MAP6D1: variants seen among roughly 807,000 people sequenced by gnomAD.
MAP6D1 encodes MAP6 domain containing 1.
Under a neutral mutation model 17.4 loss-of-function variants are expected in MAP6D1, and 13 were observed. That is an observed-to-expected ratio of 0.75 (90% CI 0.49 to 1.19). MAP6D1 has a LOEUF of 1.19. Ranked by LOEUF, MAP6D1 falls within the 50% of genes most tolerant of loss-of-function variation. The probability of loss-of-function intolerance (pLI) is 0.00; values close to 1 mark genes in which losing one functional copy is unlikely to be tolerated. For missense variants in MAP6D1, 313 were observed against 312.6 expected (o/e 1.00, Z -0.01); for synonymous variants, 141 against 145.7 (o/e 0.97, Z 0.23).
Position 183,818,034 on chromosome 3 carries a change from T to G in MAP6D1, c.479A>C (p.His160Pro), listed in dbSNP as rs766568506. 2 of 1,614,042 alleles carry G rather than the reference T, an allele frequency of 1.2e-6. No homozygotes were observed. The highest frequency in any genetic ancestry group is 1.7e-6 in the Non-Finnish European group (2 of 1,179,976). Residue 160 changes from histidine (H) to proline (P), a missense_variant, in exon 2 of 3, where the codon CAC becomes CCC. Coordinates refer to ENST00000318631, the MANE Select transcript of MAP6D1 (RefSeq NM_024871.4). Reference protein sequence around the residue: ...KTKPARVITTHTSGWDSSPGA... With the variant: ...KTKPARVITTPTSGWDSSPGA... ...AGGGCTGCTGTCCCATCCCGAAGTG[T>G]GGGTTGTGATGACTCGGGCTGGTTT... is the stretch of plus-strand genomic sequence containing the variant.
At chr3:183,821,524 A>G (rs1727255931) in intron 1 of MAP6D1, among the ~76,000 whole-genome samples, 1 of 148,260 alleles carries the variant, frequency 6.7e-6, no homozygotes. Flanking sequence ...CACATGTTCC[A>G]CACAGATGAG....
Position 183,817,004 on chromosome 3 carries a change from G to A in MAP6D1, c.*352C>T, listed in dbSNP as rs558973166. On this transcript the variant is annotated 3_prime_UTR_variant, in exon 3 of 3. Transcript: ENST00000318631. ...AAGTGGACATAACTGGTTCTTTCAA[G>A]GGCCGGATGTGTCCACATTCCTCAG... 3.6e-4 allele frequency: 95 copies of A among 266,526 alleles called. 2 individuals carry two copies. In the South Asian group the frequency reaches 3.6e-3, roughly 10 times the overall value. 16.5% of individuals were successfully genotyped at this position (266,526 alleles called of 1,614,324 possible). A position where few individuals can be genotyped will look rare whatever the true frequency, so the allele number is the denominator to read the frequency against.
chr3:183,819,358 G>A (rs955905468), intron 1 of MAP6D1, among the ~76,000 whole-genome samples: 2 of 152,236 alleles, frequency 1.3e-5, no homozygotes, highest in African/African-American at 4.8e-5. Flanking sequence ...GCGGAAGCAG[G>A]TCCTCCCCTG....
chr3:183,821,454 C>T lies in MAP6D1; in HGVS notation c.402-3343G>A, dbSNP rs144607600. On this transcript the variant is annotated intron_variant, in intron 1 of 2. Transcript: ENST00000318631. ...CTGGTGTGCGTTAAAGCAGAGAAGG[C>T]GACAGCTAGTACCTTCACCGTCACC... Among the ~76,000 whole-genome samples, 294 of 151,406 alleles carry T rather than the reference C, an allele frequency of 1.9e-3. 2 individuals carry two copies. Among genetic ancestry groups the T allele is most frequent in the Admixed American group, 3.8e-3 (58 of 15,238 alleles).
At chr3:183,821,941 G>A (rs561627821) in intron 1 of MAP6D1, among the ~76,000 whole-genome samples, 23 of 152,102 alleles carry the variant, frequency 1.5e-4, no homozygotes, top group Non-Finnish European at 3.1e-4. Context: ...GATTACAGGT[G>A]TGAGCCACTG....
At chr3:183,822,699 A>C (rs757093116) in intron 1 of MAP6D1, among the ~76,000 whole-genome samples, 9 of 152,162 alleles carry the variant, frequency 5.9e-5, no homozygotes, top group Non-Finnish European at 1.2e-4. Context: ...ACACGTCCTC[A>C]AGCTGAGCCG....
chr3:183,820,735 T>TAA lies in MAP6D1; in HGVS notation c.402-2626_402-2625dup, dbSNP rs34760514. 5.4e-5 allele frequency among the ~76,000 whole-genome samples: 8 copies of TAA among 147,624 alleles called. No homozygotes were observed. The South Asian group carries it at 1.3e-3, about 24-fold the overall frequency. ...TAACACGGTGAAACCCCGTCTCTAG[T>TAA]AAAAAAAAAAAATACATAAAAATTA... On this transcript the variant is annotated intron_variant, in intron 1 of 2. Transcript: ENST00000318631.
chr3:183,822,020 A>C (rs1043274381), intron 1 of MAP6D1, among the ~76,000 whole-genome samples: 17 of 152,254 alleles, frequency 1.1e-4, no homozygotes, highest in Non-Finnish European at 2.4e-4. Context: ...TTACAGCTAA[A>C]TCTTTGTTCA....
intron 2 of MAP6D1, among the ~76,000 whole-genome samples, chr3:183,817,743 G>A (rs780843038): frequency 1.3e-5 from 2 of 152,134 alleles, no homozygotes; most frequent in East Asian, 1.9e-4. Flanking sequence ...AGTCACTAGC[G>A]TTCAGTGGCC....
intron 1 of MAP6D1, chr3:183,820,253 T>C (rs1359735311): frequency 1.3e-5 from 2 of 152,258 alleles, no homozygotes; most frequent in East Asian, 3.8e-4. Context: ...CTGAATTTCT[T>C]AAGTTTGCTT....
intron 2 of MAP6D1, 141 bp downstream of exon 2, chr3:183,817,853 G>A (rs886419820): frequency 2.7e-6 from 2 of 733,752 alleles, no homozygotes; most frequent in South Asian, 1.7e-5. Flanking sequence ...AAGTACCTTG[G>A]GTTTTTGTTC....
chr3:183,820,621 C>T (rs538888333), intron 1 of MAP6D1, among the ~76,000 whole-genome samples: 48 of 151,094 alleles, frequency 3.2e-4, no homozygotes, highest in Admixed American at 9.9e-4. Context: ...AAAATTAGGC[C>T]AGGCACAGTG....
intron 1 of MAP6D1, chr3:183,820,331 T>C (rs933732130): frequency 6.6e-6 from 1 of 152,040 alleles, no homozygotes; most frequent in Non-Finnish European, 1.5e-5. Flanking sequence ...AGCTGGAAGG[T>C]GGGGGTCCCA....
At chr3:183,819,458 G>A (rs1171663958) in intron 1 of MAP6D1, among the ~76,000 whole-genome samples, 1 of 152,246 alleles carries the variant, frequency 6.6e-6, no homozygotes, top group Non-Finnish European at 1.5e-5. Context: ...GGTGGCTGCA[G>A]GGGTCTCAGA....
intron 1 of MAP6D1, 84 bp downstream of exon 1, chr3:183,825,063 G>A: frequency 7.9e-7 from 1 of 1,258,788 alleles, no homozygotes; most frequent in South Asian, 2.8e-5. Flanking sequence ...CCGCTCTGCC[G>A]CCCACCCCAT....
Position 183,817,235 on chromosome 3 carries a change from G to A in MAP6D1, c.*121C>T. 1 of 987,270 alleles carries A rather than the reference G, an allele frequency of 1.0e-6. No individual in the cohort carries two copies. The highest frequency in any genetic ancestry group is 2.1e-5 in the Admixed American group (1 of 47,260). The allele number at this position is 987,270 out of a possible 1,614,324, so 61.2% of individuals were successfully genotyped here. ...ACTTTGGCCCTGGTGACAGCTTTGA[G>A]AGGGGCTGTGCCCTCCCGCAGGGGC... On this transcript the variant is annotated 3_prime_UTR_variant, in exon 3 of 3. Transcript: ENST00000318631.
rs751789043 is a variant in MAP6D1, at chr3:183,818,118, C to T, written c.402-7G>A. ...CCAAGCCTGGAATTCCTGTCTGGAA[C>T]AGAGAACACGGTCACAAGCTTGCAC... On this transcript the variant is annotated splice_region_variant and splice_polypyrimidine_tract_variant and intron_variant, in intron 1 of 2. Transcript: ENST00000318631. The T allele has an allele frequency of 6.2e-7, 1 of 1,612,098 alleles. No homozygotes were observed. The highest frequency in any genetic ancestry group is 8.5e-7 in the Non-Finnish European group (1 of 1,178,180).
rs1727360297 is a variant in MAP6D1, at chr3:183,825,271, C to A, written c.277G>T (p.Ala93Ser). 2.2e-6 allele frequency: 3 copies of A among 1,343,792 alleles called. No homozygotes were observed. Among genetic ancestry groups the A allele is most frequent in the Middle Eastern group, 4.4e-4 (2 of 4,578 alleles). The allele number at this position is 1,343,792 out of a possible 1,614,324, so 83.2% of individuals were successfully genotyped here. A position where few individuals can be genotyped will look rare whatever the true frequency, so the allele number is the denominator to read the frequency against. The change falls in exon 1 of 3, where the codon GCG (alanine) becomes TCG (serine). Residue 93 changes from alanine (A) to serine (S), a missense_variant. Transcript: ENST00000318631. ...KDPPPGRGPG[A>S]GGRRGKSSAQ... is the part of the protein sequence containing the mutation. ...GAGGATTTGCCCCTGCGGCCGCCCG[C>A]CCCCGGTCCGCGCCCCGGCGGCGGA...
chr3:183,825,207 C>G lies in MAP6D1; in HGVS notation c.341G>C (p.Gly114Ala), dbSNP rs964325398. 2.1e-6 allele frequency: 3 copies of G among 1,439,782 alleles called. No individual in the cohort carries two copies. The highest frequency in any genetic ancestry group is 2.7e-6 in the Non-Finnish European group (3 of 1,094,546). The allele number at this position is 1,439,782 out of a possible 1,614,324, so 89.2% of individuals were successfully genotyped here. ...GTCGCCGATGGGCAGCACGTAGACC[C>G]CGCGGGCGCCGGGCGCAGGTGGCGC... ...SSAPPAPGAR[G>A]VYVLPIGDAD... Residue 114 changes from glycine (G) to alanine (A), a missense_variant, in exon 1 of 3, where the codon GGG becomes GCG. Physicochemically the swap from Gly to Ala is moderately conservative, Grantham distance 60 (BLOSUM62 0). Transcript: ENST00000318631.
Sources: gnomAD v4.1 joint callset for allele counts (sites outside exome capture counted in the v4.1 genomes callset) on GRCh38, gnomAD v4.1.1 for gene constraint, MANE v1.5 for transcripts, NCBI Gene and HGNC (gene_info 2026-07-23, HGNC 2026-07-21) for gene names.